The following ZNF84 variants were observed in gnomAD, a reference collection of about 807,000 sequenced individuals.
ZNF84 encodes the protein zinc finger protein 84.
ZNF84 carries 12 observed loss-of-function variants against 14.8 expected under a neutral mutation model. That is an observed-to-expected ratio of 0.81 (90% CI 0.52 to 1.31). The LOEUF (loss-of-function observed/expected upper bound fraction) is 1.31. ZNF84 is among the 50% of genes most tolerant of loss of function. The pLI is 0.00. For synonymous variants in ZNF84, 347 were observed against 291.1 expected, an observed-to-expected ratio of 1.19 and a Z score of -1.96; for missense variants, 859 against 878.6, an observed-to-expected ratio of 0.98 and a Z score of 0.28.
In ZNF84 at chr12:133,055,838, C is replaced by T. The variant is rs1177999025; in HGVS notation, c.239-1116C>T. On this transcript the variant is annotated intron_variant, in intron 4 of 4. Transcript: ENST00000539354. ...AATTGGCCCGGCGCAGTGGCTCACA[C>T]CTGTAACCCAGAACTTTGGGAGGCT... 1.9e-3 allele frequency among the ~76,000 whole-genome samples: 291 copies of T among 152,238 alleles called. 2 individuals are homozygous for T. The highest frequency in any genetic ancestry group is 6.6e-3 in the African/African-American group (274 of 41,538).
intron 2 of ZNF84, among the ~76,000 whole-genome samples, chr12:133,042,739 C>T (rs754853697): frequency 2.1e-3 from 320 of 152,320 alleles, no homozygotes; most frequent in Non-Finnish European, 3.6e-3. Flanking sequence ...CAGAGCAGGA[C>T]TTCATGACCA....
At chr12:133,039,451 A>T (rs1194240088) in intron 1 of ZNF84, among the ~76,000 whole-genome samples, 4 of 152,232 alleles carry the variant, frequency 2.6e-5, no homozygotes, top group African/African-American at 9.6e-5. Context: ...ACATAGCAGG[A>T]TAGAGAATTA....
chr12:133,057,416 C>A lies in ZNF84; in HGVS notation c.701C>A (p.Ala234Asp), dbSNP rs1954179058. 3 of 1,614,056 alleles carry A rather than the reference C, an allele frequency of 1.9e-6. No individual in the cohort carries two copies. The highest frequency in any genetic ancestry group is 1.3e-5 in the African/African-American group (1 of 74,938). ...KHQSRHIRDI[A>D]FGCGNCGKTF... ...CAGAGCAGACATATAAGAGACATAG[C>A]CTTTGGCTGTGGTAATTGTGGCAAA... Residue 234 changes from alanine to aspartate, a missense_variant, in exon 5 of 5, where the codon GCC becomes GAC. Ala to Asp is a moderately radical substitution (Grantham distance 126). Transcript: ENST00000539354.
intron 4 of ZNF84, among the ~76,000 whole-genome samples, chr12:133,050,830 C>T (rs1447299092): frequency 2.0e-5 from 3 of 152,294 alleles, no homozygotes; most frequent in South Asian, 2.1e-4. Context: ...GGTCCCTGAG[C>T]TTTGTTTGCA....
intron 4 of ZNF84, 116 bp downstream of exon 4, chr12:133,048,964 G>A: frequency 1.3e-6 from 1 of 746,776 alleles, no homozygotes; most frequent in Non-Finnish European, 2.2e-6. Flanking sequence ...TGGCTGGTCA[G>A]TGACGGGTGG....
chr12:133,040,809 CCTTCT>C (rs1953873603), intron 1 of ZNF84: 6 of 152,016 alleles, frequency 3.9e-5, no homozygotes, highest in African/African-American at 1.5e-4. Context: ...TAACCCATTT[CCTTCT>C]GAAATGGGTA....
In ZNF84 at chr12:133,049,480, T is replaced by G. The variant is rs1436193919; in HGVS notation, c.238+632T>G. ...AAGTATATGAATAATCCCTTTCTTG[T>G]TTTTTTTGTTTTTTTTGTTTTGAGA... On this transcript the variant is annotated intron_variant, in intron 4 of 4. Coordinates refer to ENST00000539354, the MANE Select transcript of ZNF84 (RefSeq NM_001289971.2). Among the ~76,000 whole-genome samples the G allele has an allele frequency of 1.3e-5, 2 of 151,692 alleles. 1 individual carries two copies. The highest frequency in any genetic ancestry group is 4.2e-4 in the South Asian group (2 of 4,792).
intron 4 of ZNF84, among the ~76,000 whole-genome samples, chr12:133,055,765 T>C (rs1197702450): frequency 6.6e-6 from 1 of 152,124 alleles, no homozygotes; most frequent in Non-Finnish European, 1.5e-5. Context: ...AGAAAACTAT[T>C]AGAAGAAAAC....
intron 4 of ZNF84, chr12:133,050,621 A>T (rs1954054218): frequency 2.5e-6 from 1 of 398,536 alleles, no homozygotes; most frequent in Non-Finnish European, 4.4e-6. Context: ...AAGTGTTTTT[A>T]GATATGTAAC....
At chr12:133,050,790 C>G (rs1387921092) in intron 4 of ZNF84, among the ~76,000 whole-genome samples, 1 of 152,114 alleles carries the variant, frequency 6.6e-6, no homozygotes, top group East Asian at 1.9e-4. Context: ...GTGACCTGAT[C>G]GTAGTATATA....
chr12:133,039,918 G>A lies in ZNF84; in HGVS notation c.-190-1360G>A, dbSNP rs910622975. Among the ~76,000 whole-genome samples, 5 of 151,858 alleles carry A rather than the reference G, an allele frequency of 3.3e-5. No homozygotes were observed. The South Asian group carries it at 1.0e-3, about 32-fold the overall frequency. ...ACCAGGCTGGAGTACAATGGCACGGGCTGCAACATCCACCTCCCAGGTTCA... is the reference window on the plus strand; with the variant it reads ...ACCAGGCTGGAGTACAATGGCACGGACTGCAACATCCACCTCCCAGGTTCA... On this transcript the variant is annotated intron_variant, in intron 1 of 4. Transcript: ENST00000539354.
intron 4 of ZNF84, among the ~76,000 whole-genome samples, chr12:133,051,742 ATTG>A (rs776353929): frequency 4.3e-4 from 66 of 152,252 alleles, no homozygotes; most frequent in Non-Finnish European, 5.9e-4. Flanking sequence ...TGGTGATCAT[ATTG>A]TTTGTATACA....
In ZNF84 at chr12:133,058,882, AAGTCACAG is replaced by A; in HGVS notation, c.2168_2175del (p.Lys723ThrfsTer50). On this transcript the variant is annotated frameshift_variant, in exon 5 of 5. Coordinates refer to ENST00000539354, the MANE Select transcript of ZNF84 (RefSeq NM_001289971.2). LOFTEE classifies it high-confidence loss of function. Reference sequence around the variant, plus strand: ...TGAATGTGGGAAAGCTTTCTCACAGAAGTCACAGCTCATCAATCATCAGAGAACTCATA... The same window carrying A: ...TGAATGTGGGAAAGCTTTCTCACAGACTCATCAATCATCAGAGAACTCATA... 1 of 1,613,002 alleles carries A rather than the reference AAGTCACAG, an allele frequency of 6.2e-7. No homozygotes were observed. The highest frequency in any genetic ancestry group is 8.5e-7 in the Non-Finnish European group (1 of 1,179,572).
At chr12:133,050,927 G>C (rs2137384419) in intron 4 of ZNF84, among the ~76,000 whole-genome samples, 1 of 152,146 alleles carries the variant, frequency 6.6e-6, no homozygotes, top group East Asian at 1.9e-4. Context: ...CAAAAGCCTT[G>C]TCTTTGTTTT....
Position 133,048,076 on chromosome 12 carries a change from C to A in ZNF84, c.137C>A (p.Ser46Ter). 6.2e-7 allele frequency: 1 copy of A among 1,613,178 alleles called. No homozygotes were observed. Among genetic ancestry groups the A allele is most frequent in the South Asian group, 1.1e-5 (1 of 90,938 alleles). The change falls in exon 3 of 5, where the codon TCA (serine) becomes TAA (stop). Residue 46 changes from serine to a stop codon, truncating the protein, a stop_gained. Transcript: ENST00000539354. LOFTEE classifies it high-confidence loss of function. Reference protein sequence around the residue: ...VMLENYSSLVSLGYEVMKPDV... With the variant: ...VMLENYSSLV ...TTGGAGAACTATAGCAGCCTAGTGTCACTGGGTAATAAAAGCTTTCTTGAG... is the reference window on the plus strand; with the variant it reads ...TTGGAGAACTATAGCAGCCTAGTGTAACTGGGTAATAAAAGCTTTCTTGAG...
At chr12:133,051,539 C>T (rs989291310) in intron 4 of ZNF84, among the ~76,000 whole-genome samples, 4 of 152,174 alleles carry the variant, frequency 2.6e-5, no homozygotes, top group Non-Finnish European at 5.9e-5. Context: ...AAGGCACAGG[C>T]AGAGTCTCGA....
At position 133,059,008 on chromosome 12, in the gene ZNF84, G is replaced by T; in HGVS notation, c.*76G>T. On this transcript the variant is annotated 3_prime_UTR_variant, in exon 5 of 5. Transcript: ENST00000539354. ...GCAATTATGATAACGTTTGTAGACA[G>T]TCACGTCATGTTAGGTGTTTGTACT... The T allele has an allele frequency of 7.2e-7, 1 of 1,393,250 alleles. No individual in the cohort carries two copies. The highest frequency in any genetic ancestry group is 9.7e-7 in the Non-Finnish European group (1 of 1,031,934). 86.3% of individuals were successfully genotyped at this position (1,393,250 alleles called of 1,614,324 possible). A position where few individuals can be genotyped will look rare whatever the true frequency, so the allele number is the denominator to read the frequency against.
intron 4 of ZNF84, among the ~76,000 whole-genome samples, chr12:133,050,961 G>T (rs1954058274): frequency 6.6e-6 from 1 of 152,114 alleles, no homozygotes; most frequent in Admixed American, 6.6e-5. Flanking sequence ...TTGGTCTGTT[G>T]CCCAGGTTGC....
At chr12:133,046,617 G>A (rs1026290134) in intron 2 of ZNF84, among the ~76,000 whole-genome samples, 28 of 150,902 alleles carry the variant, frequency 1.9e-4, no homozygotes, top group African/African-American at 6.8e-4. Flanking sequence ...AAGACAATGC[G>A]ACTTTTGAGA....
Sources: allele counts gnomAD v4.1 joint callset (sites outside exome capture counted in the v4.1 genomes callset), GRCh38; gene constraint gnomAD v4.1.1; transcripts MANE v1.5; gene names NCBI Gene and HGNC (gene_info 2026-07-23, HGNC 2026-07-21).